Variants in PCED1B observed in about 807,000 individuals in gnomAD.
PCED1B encodes the protein PC-esterase domain containing 1B.
For synonymous variants in PCED1B, 251 were observed against 246.1 expected (o/e 1.02, Z -0.19); for missense variants, 573 against 573.9 (o/e 1.00, Z 0.02).
chr12:47,215,853 G>A (rs1169702743), intron 2 of PCED1B, among the ~76,000 whole-genome samples: 5 of 135,516 alleles, frequency 3.7e-5, no homozygotes, highest in Admixed American at 1.4e-4. Context: ...TAAGGAGTTC[G>A]AGACCAGACT....
At chr12:47,127,468 A>C (rs1939937875) in intron 2 of PCED1B, among the ~76,000 whole-genome samples, 1 of 150,670 alleles carries the variant, frequency 6.6e-6, no homozygotes, top group African/African-American at 2.5e-5. Context: ...TCCCAGGTTC[A>C]AGCGATTCTC....
At chr12:47,197,026 A>G (rs953361349) in intron 2 of PCED1B, among the ~76,000 whole-genome samples, 1 of 151,418 alleles carries the variant, frequency 6.6e-6, no homozygotes, top group Non-Finnish European at 1.5e-5. Flanking sequence ...TTTAAAAAAA[A>G]AAACAGATGA....
At chr12:47,217,430 G>GA (rs200369250) in intron 3 of PCED1B, among the ~76,000 whole-genome samples, 8,963 of 57,446 alleles carry the variant, frequency 0.16, 1,030 homozygotes, top group East Asian at 0.31. Context: ...AGAGAAAGAA[G>GA]AAAAAAAAAG....
At chr12:47,131,332 A>G (rs1444012752) in intron 2 of PCED1B, among the ~76,000 whole-genome samples, 1 of 152,186 alleles carries the variant, frequency 6.6e-6, no homozygotes, top group Non-Finnish European at 1.5e-5. Flanking sequence ...TCCTTAATCA[A>G]TACAAGAACC....
chr12:47,228,411 C>G (rs1433053643), intron 3 of PCED1B, among the ~76,000 whole-genome samples: 1 of 152,114 alleles, frequency 6.6e-6, no homozygotes, highest in African/African-American at 2.4e-5. Context: ...CATTCACCAC[C>G]CATCCCCTCC....
At chr12:47,193,364 C>T (rs1942505035) in intron 2 of PCED1B, among the ~76,000 whole-genome samples, 1 of 152,164 alleles carries the variant, frequency 6.6e-6, no homozygotes, top group Admixed American at 6.5e-5. Context: ...AACCAGGGAA[C>T]CATTCTTTAT....
chr12:47,105,438 A>G (rs1938904157), intron 2 of PCED1B, among the ~76,000 whole-genome samples: 1 of 152,224 alleles, frequency 6.6e-6, no homozygotes, highest in East Asian at 1.9e-4. Context: ...ATAAATACAG[A>G]TGGTGAAGGG....
At chr12:47,092,407 C>T (rs534881939) in intron 1 of PCED1B, among the ~76,000 whole-genome samples, 1 of 151,962 alleles carries the variant, frequency 6.6e-6, no homozygotes, top group South Asian at 2.1e-4. Flanking sequence ...CTTATTAATT[C>T]TAAGAATTTG....
intron 2 of PCED1B, among the ~76,000 whole-genome samples, chr12:47,180,418 T>C (rs995433779): frequency 2.6e-5 from 4 of 152,212 alleles, no homozygotes; most frequent in Admixed American, 1.3e-4. Context: ...TGGCTAGCCA[T>C]GTGCAGAAAA....
At chr12:47,130,144 A>T (rs1940062724) in intron 2 of PCED1B, among the ~76,000 whole-genome samples, 1 of 152,166 alleles carries the variant, frequency 6.6e-6, no homozygotes, top group South Asian at 2.1e-4. Flanking sequence ...GGAACACAAA[A>T]AACTTTTGTT....
At chr12:47,230,721 C>T (rs761378726) in intron 3 of PCED1B, among the ~76,000 whole-genome samples, 1 of 152,110 alleles carries the variant, frequency 6.6e-6, no homozygotes, top group Non-Finnish European at 1.5e-5. Context: ...TGATTACAGG[C>T]GTGAGCCTCC....
intron 2 of PCED1B, among the ~76,000 whole-genome samples, chr12:47,197,602 C>CT (rs1942645551): frequency 6.6e-6 from 1 of 151,108 alleles, no homozygotes; most frequent in Admixed American, 6.6e-5. Context: ...GAGTGAAACT[C>CT]TGTCTCAAAA....
At chr12:47,095,720 C>A (rs1938458639) in intron 1 of PCED1B, among the ~76,000 whole-genome samples, 1 of 152,134 alleles carries the variant, frequency 6.6e-6, no homozygotes, top group Admixed American at 6.5e-5. Flanking sequence ...TTCCTAATTT[C>A]AAATATTTTT....
intron 2 of PCED1B, among the ~76,000 whole-genome samples, chr12:47,172,154 T>C (rs946960174): frequency 4.6e-5 from 7 of 152,174 alleles, no homozygotes; most frequent in African/African-American, 1.7e-4. Context: ...TATTTGCATG[T>C]AGGTCTCCTG....
chr12:47,096,798 A>G (rs1938499650), intron 1 of PCED1B, among the ~76,000 whole-genome samples: 1 of 152,218 alleles, frequency 6.6e-6, no homozygotes, highest in South Asian at 2.1e-4. Flanking sequence ...CTTCTATTAC[A>G]TATATTAGAA....
chr12:47,114,141 T>C (rs948550438), intron 2 of PCED1B, among the ~76,000 whole-genome samples: 1 of 152,118 alleles, frequency 6.6e-6, no homozygotes. Flanking sequence ...AGGAGCACAC[T>C]TGTACAGAGA....
intron 2 of PCED1B, among the ~76,000 whole-genome samples, chr12:47,157,311 G>T (rs915674151): frequency 2.0e-5 from 3 of 152,192 alleles, no homozygotes; most frequent in Non-Finnish European, 4.4e-5. Flanking sequence ...ATCTGTGGTT[G>T]GGTGGGATGG....
chr12:47,222,845 C>A (rs1233598634), intron 3 of PCED1B, among the ~76,000 whole-genome samples: 3 of 152,142 alleles, frequency 2.0e-5, no homozygotes, highest in Non-Finnish European at 4.4e-5. Context: ...AATTCTCAGT[C>A]ATCTGCATAC....
intron 2 of PCED1B, among the ~76,000 whole-genome samples, chr12:47,131,280 G>A (rs879528463): frequency 1.3e-5 from 2 of 151,928 alleles, no homozygotes; most frequent in Non-Finnish European, 2.9e-5. Context: ...TACTTCACCC[G>A]CCCACTCCAA....
Sources: gnomAD v4.1 joint callset for allele counts (sites outside exome capture counted in the v4.1 genomes callset) on GRCh38, gnomAD v4.1.1 for gene constraint, MANE v1.5 for transcripts, NCBI Gene and HGNC (gene_info 2026-07-23, HGNC 2026-07-21) for gene names.